The following PCNX2 variants were observed in gnomAD, a reference collection of about 807,000 sequenced individuals.
The protein encoded by PCNX2 is pecanex-like protein 2.
In PCNX2, 168 loss-of-function variants were observed where a neutral mutation model predicts 223.8. The ratio of observed to expected loss-of-function variants is 0.75; its 90% confidence interval spans 0.66 to 0.85. PCNX2 has a LOEUF of 0.85. PCNX2 is among the 40% of genes least tolerant of loss of function. PCNX2 has a pLI of 0.00. For synonymous variants in PCNX2, 1,006 were observed against 1,052.6 expected (o/e 0.96, Z 0.86); for missense variants, 2,507 against 2,675.5 (o/e 0.94, Z 1.39).
At chr1:233,152,274 C>T (rs555194531) in intron 19 of PCNX2, among the ~76,000 whole-genome samples, 32 of 152,222 alleles carry the variant, frequency 2.1e-4, no homozygotes, top group Non-Finnish European at 4.0e-4. Context: ...ACTTTCCATA[C>T]CAGTATCATA....
At chr1:232,987,873 C>T (rs546816639) in intron 32 of PCNX2, among the ~76,000 whole-genome samples, 1 of 152,230 alleles carries the variant, frequency 6.6e-6, no homozygotes, top group Non-Finnish European at 1.5e-5. Context: ...GGCACTGGTG[C>T]TCCCATCTCA....
At chr1:233,113,928 G>C (rs1265838600) in intron 21 of PCNX2, among the ~76,000 whole-genome samples, 2 of 152,212 alleles carry the variant, frequency 1.3e-5, no homozygotes, top group Non-Finnish European at 2.9e-5. Flanking sequence ...TTGTAAGAGA[G>C]CAATATTCAA....
At chr1:232,999,627 AT>A in intron 30 of PCNX2, 1 of 429,566 alleles carries the variant, frequency 2.3e-6, no homozygotes. Context: ...CTAATTTTGT[AT>A]TTTTTAGTAG....
chr1:232,986,862 C>T (rs1669509421), intron 32 of PCNX2, among the ~76,000 whole-genome samples: 3 of 152,194 alleles, frequency 2.0e-5, no homozygotes, highest in African/African-American at 7.2e-5. Flanking sequence ...ACTGAAAAGT[C>T]CCACATGCCT....
At position 233,054,866 on chromosome 1, in the gene PCNX2, A is replaced by C. The variant is rs141879671; in HGVS notation, c.4136-383T>G. The stretch of plus-strand genomic sequence containing the variant: ...TAAACTATATATAAATTAAAAATTC[A>C]GGTTTATTGAAGAATAATTTGTGTA... On this transcript the variant is annotated intron_variant, in intron 24 of 33. Transcript: ENST00000258229. 5.7e-3 allele frequency among the ~76,000 whole-genome samples: 874 copies of C among 152,312 alleles called. 13 individuals carry two copies. In the South Asian group the frequency reaches 0.061, roughly 11 times the overall value.
chr1:233,128,062 C>T (rs865966605), intron 21 of PCNX2, among the ~76,000 whole-genome samples: 1 of 152,148 alleles, frequency 6.6e-6, no homozygotes, highest in South Asian at 2.1e-4. Flanking sequence ...GAACACCCAG[C>T]GTGGTAGTCC....
chr1:233,027,089 C>T (rs1387531845), intron 25 of PCNX2, among the ~76,000 whole-genome samples: 4 of 149,374 alleles, frequency 2.7e-5, no homozygotes, highest in African/African-American at 1.0e-4. Context: ...AGTGATAGAG[C>T]AGAAATGGCA....
At chr1:233,249,979 T>G (rs955270833) in intron 8 of PCNX2, among the ~76,000 whole-genome samples, 1 of 152,196 alleles carries the variant, frequency 6.6e-6, no homozygotes, top group African/African-American at 2.4e-5. Context: ...TCACAGACTC[T>G]GAAATTAAGG....
intron 21 of PCNX2, among the ~76,000 whole-genome samples, chr1:233,100,417 CAAA>C (rs5781726): frequency 1.4e-4 from 11 of 81,064 alleles, no homozygotes; most frequent in Non-Finnish European, 1.7e-4. Context: ...GATTCTGTCT[CAAA>C]AAAAAAAAAA....
In PCNX2 at chr1:233,285,682, C is replaced by A. The variant is rs534328308; in HGVS notation, c.153+9644G>T. Reference sequence around the variant, plus strand: ...AGAGAGAGACTCCATCTCAAAAAAACAAACAAACAAACAAACAAAAAACTT... The same window carrying A: ...AGAGAGAGACTCCATCTCAAAAAAAAAAACAAACAAACAAACAAAAAACTT... On this transcript the variant is annotated intron_variant, in intron 1 of 33. Coordinates refer to ENST00000258229, the MANE Select transcript of PCNX2 (RefSeq NM_014801.4). Among the ~76,000 whole-genome samples, 33 of 124,220 alleles carry A rather than the reference C, an allele frequency of 2.7e-4. No individual in the cohort carries two copies. In the South Asian group the frequency reaches 9.9e-3, roughly 37 times the overall value. 81.5% of individuals were successfully genotyped at this position (124,220 alleles called of 152,430 possible). A position where few individuals can be genotyped will look rare whatever the true frequency, so the allele number is the denominator to read the frequency against.
At chr1:233,037,607 GCAC>G (rs1197984960) in intron 25 of PCNX2, among the ~76,000 whole-genome samples, 1 of 152,038 alleles carries the variant, frequency 6.6e-6, no homozygotes, top group Non-Finnish European at 1.5e-5. Flanking sequence ...TTACAGACAT[GCAC>G]CACCATGCCT....
intron 12 of PCNX2, among the ~76,000 whole-genome samples, chr1:233,212,172 T>C (rs1354049055): frequency 6.6e-6 from 1 of 152,186 alleles, no homozygotes; most frequent in African/African-American, 2.4e-5. Flanking sequence ...TGGTTCCCCT[T>C]GTATGTGGAG....
At chr1:232,985,757 C>A (rs1669450961) in intron 33 of PCNX2, 4 of 581,664 alleles carry the variant, frequency 6.9e-6, no homozygotes, top group South Asian at 4.4e-5. Flanking sequence ...TGAGAAGAGT[C>A]CTGCTGTGTG....
intron 15 of PCNX2, among the ~76,000 whole-genome samples, chr1:233,189,523 A>C (rs1424011522): frequency 1.3e-5 from 2 of 152,202 alleles, no homozygotes; most frequent in African/African-American, 4.8e-5. Flanking sequence ...TAATAAAATG[A>C]AGGAATTGCA....
the PCNX2 span, among the ~76,000 whole-genome samples, chr1:233,322,649 T>A: frequency 2.0e-3 from 306 of 152,278 alleles, no homozygotes; most frequent in Admixed American, 4.2e-3. Context: ...TGGATTCCTC[T>A]GGAACGTGAT....
chr1:233,205,081 C>T (rs1681364438), intron 13 of PCNX2, among the ~76,000 whole-genome samples: 1 of 152,144 alleles, frequency 6.6e-6, no homozygotes, highest in Non-Finnish European at 1.5e-5. Context: ...CACCTCACAT[C>T]CCAATGCCAT....
intron 32 of PCNX2, among the ~76,000 whole-genome samples, chr1:232,995,974 C>T (rs1428390673): frequency 6.6e-6 from 1 of 152,176 alleles, no homozygotes; most frequent in East Asian, 1.9e-4. Flanking sequence ...TCTCCTGCCT[C>T]AGCCTCCCAA....
chr1:233,166,310 G>C (rs1451655162), intron 17 of PCNX2, among the ~76,000 whole-genome samples: 1 of 152,014 alleles, frequency 6.6e-6, no homozygotes, highest in Non-Finnish European at 1.5e-5. Flanking sequence ...GCAACCATAA[G>C]AGGAAATCTT....
rs530282408 is a variant in PCNX2, at chr1:232,991,911, A to C, written c.5792-5371T>G. Among the ~76,000 whole-genome samples the C allele has an allele frequency of 6.6e-6, 1 of 152,328 alleles. No homozygotes were observed. Among genetic ancestry groups the C allele is most frequent in the South Asian group, 2.1e-4 (1 of 4,826 alleles). On this transcript the variant is annotated intron_variant, in intron 32 of 33. Transcript: ENST00000258229. This position sits in a 1 kb window ranked among gnomAD's most constrained non-coding sequence, Gnocchi z 4.3. The stretch of plus-strand genomic sequence containing the variant: ...CATGGTACTTTGTCATGGCAGCCCA[A>C]GCAGACTCACACATTCTGAGCTGAA...
Sources: allele counts gnomAD v4.1 joint callset (sites outside exome capture counted in the v4.1 genomes callset), GRCh38; gene constraint gnomAD v4.1.1; non-coding constraint Gnocchi (gnomAD v3.1); transcripts MANE v1.5; gene names NCBI Gene and HGNC (gene_info 2026-07-23, HGNC 2026-07-21).